The following WDR7 variants were observed in gnomAD, a reference collection of about 807,000 sequenced individuals.
The protein encoded by WDR7 is WD repeat domain 7.
Under a neutral mutation model 169.4 loss-of-function variants are expected in WDR7, and 46 were observed. That is an observed-to-expected ratio of 0.27 (90% CI 0.21 to 0.35). The LOEUF (loss-of-function observed/expected upper bound fraction) is 0.35. Among genes scored for constraint, WDR7 ranks in the 10% least tolerant of loss-of-function variants. WDR7 has a pLI of 1.00. For synonymous variants in WDR7, 612 were observed against 666.8 expected (o/e 0.92, Z 1.27); for missense variants, 1,534 against 1,859.3 (o/e 0.83, Z 3.22).
intron 11 of WDR7, among the ~76,000 whole-genome samples, chr18:56,695,520 T>G (rs1254111773): frequency 6.6e-6 from 1 of 151,874 alleles, no homozygotes. Context: ...TCCAGAACAG[T>G]ACCATCCAAT....
chr18:56,988,116 A>C (rs2047751491), intron 26 of WDR7, among the ~76,000 whole-genome samples: 1 of 152,174 alleles, frequency 6.6e-6, no homozygotes, highest in South Asian at 2.1e-4. Flanking sequence ...TAAGTTGATT[A>C]AGGTATCATT....
At chr18:56,917,925 T>TA (rs1461250903) in intron 21 of WDR7, among the ~76,000 whole-genome samples, 1 of 152,226 alleles carries the variant, frequency 6.6e-6, no homozygotes, top group Admixed American at 6.5e-5. Flanking sequence ...TTAATAGCAT[T>TA]AAAATATGAG....
chr18:56,909,666 A>G (rs2046527106), intron 21 of WDR7, among the ~76,000 whole-genome samples: 1 of 152,148 alleles, frequency 6.6e-6, no homozygotes, highest in African/African-American at 2.4e-5. Flanking sequence ...TTAGCTATCA[A>G]TGGCAATAGA....
chr18:56,919,452 A>T (rs950391243), intron 21 of WDR7, among the ~76,000 whole-genome samples: 1 of 151,888 alleles, frequency 6.6e-6, no homozygotes, highest in Non-Finnish European at 1.5e-5. Context: ...TCAGTGACAA[A>T]AACTCATTGT....
chr18:56,817,414 C>T (rs888946547), intron 20 of WDR7, among the ~76,000 whole-genome samples: 1 of 151,802 alleles, frequency 6.6e-6, no homozygotes. Flanking sequence ...TCCCACCCTC[C>T]GTGATAGGTA....
At chr18:56,827,861 T>A (rs565244888) in intron 20 of WDR7, among the ~76,000 whole-genome samples, 113 of 151,798 alleles carry the variant, frequency 7.4e-4, no homozygotes, top group Non-Finnish European at 1.4e-3. Context: ...ATGAAAAATT[T>A]AAAAAAAACA....
chr18:56,775,094 T>TA (rs2044220877), intron 16 of WDR7, among the ~76,000 whole-genome samples: 1 of 152,128 alleles, frequency 6.6e-6, no homozygotes. Flanking sequence ...TCCCACGACT[T>TA]ATTTGACTTG....
chr18:56,747,049 A>G (rs972698103), intron 14 of WDR7, among the ~76,000 whole-genome samples: 1 of 152,230 alleles, frequency 6.6e-6, no homozygotes, highest in Non-Finnish European at 1.5e-5. Flanking sequence ...CACAGTGTTC[A>G]TTGAATCACT....
At chr18:56,954,537 C>T (rs2047225152) in intron 25 of WDR7, among the ~76,000 whole-genome samples, 1 of 151,962 alleles carries the variant, frequency 6.6e-6, no homozygotes, top group Admixed American at 6.6e-5. Flanking sequence ...CATACCTATA[C>T]AGGTATATAT....
chr18:56,663,447 A>G (rs1333829804), intron 1 of WDR7, among the ~76,000 whole-genome samples: 2 of 152,206 alleles, frequency 1.3e-5, no homozygotes, highest in Non-Finnish European at 2.9e-5. Context: ...TGATAATGGT[A>G]TTGTGTTTAT....
chr18:56,905,227 C>T (rs2046459729), intron 21 of WDR7, among the ~76,000 whole-genome samples: 5 of 152,198 alleles, frequency 3.3e-5, no homozygotes, highest in Admixed American at 3.3e-4. Flanking sequence ...TGGCTCACCC[C>T]AACCTCCACC....
intron 26 of WDR7, among the ~76,000 whole-genome samples, chr18:56,983,570 CAGAG>C (rs574515963): frequency 0.2 from 11,965 of 60,750 alleles, 1,457 homozygotes; most frequent in African/African-American, 0.4. Context: ...CACACACACA[CAGAG>C]AGAGAGAGAG....
At chr18:56,890,813 T>C (rs1161498907) in intron 21 of WDR7, 1 of 152,238 alleles carries the variant, frequency 6.6e-6, no homozygotes, top group Non-Finnish European at 1.5e-5. Context: ...CCACCACCTC[T>C]CACTTGTATT....
At chr18:56,914,122 C>A (rs1421803859) in intron 21 of WDR7, among the ~76,000 whole-genome samples, 2 of 152,210 alleles carry the variant, frequency 1.3e-5, no homozygotes, top group African/African-American at 4.8e-5. Context: ...TTGTTCACTG[C>A]CATCCGGCCA....
chr18:57,005,967 A>G (rs1259514126), intron 26 of WDR7, among the ~76,000 whole-genome samples: 1 of 152,218 alleles, frequency 6.6e-6, no homozygotes, highest in Non-Finnish European at 1.5e-5. Context: ...TATTTTTGCT[A>G]ATGCAAAGTT....
chr18:56,900,662 T>C (rs1231071859), intron 21 of WDR7, among the ~76,000 whole-genome samples: 1 of 152,124 alleles, frequency 6.6e-6, no homozygotes, highest in Non-Finnish European at 1.5e-5. Flanking sequence ...TAGGGGAACA[T>C]CGGGCTTGTA....
intron 26 of WDR7, among the ~76,000 whole-genome samples, chr18:56,993,377 A>G (rs2047844858): frequency 6.6e-6 from 1 of 151,962 alleles, no homozygotes; most frequent in South Asian, 2.1e-4. Context: ...TTTTTCTTTT[A>G]TTTTCTTTTG....
chr18:56,882,651 G>A (rs28702451), intron 21 of WDR7, among the ~76,000 whole-genome samples: 8,700 of 152,182 alleles, frequency 0.057, 867 homozygotes, highest in African/African-American at 0.2. Flanking sequence ...TTTTAGGGAA[G>A]GAGTTCATTA....
chr18:57,008,829 C>G (rs921511007), intron 26 of WDR7, among the ~76,000 whole-genome samples: 3 of 152,202 alleles, frequency 2.0e-5, no homozygotes, highest in African/African-American at 7.2e-5. Flanking sequence ...CCTATCTCAT[C>G]TTTATACTCT....
Sources: gnomAD v4.1 joint callset for allele counts (sites outside exome capture counted in the v4.1 genomes callset) on GRCh38, gnomAD v4.1.1 for gene constraint, MANE v1.5 for transcripts, NCBI Gene and HGNC (gene_info 2026-07-23, HGNC 2026-07-21) for gene names.